The following RABEP1 variants were observed in gnomAD, a reference collection of about 807,000 sequenced individuals.
RABEP1 encodes the protein rab GTPase-binding effector protein 1.
Under a neutral mutation model 123.4 loss-of-function variants are expected in RABEP1, and 51 were observed. That is an observed-to-expected ratio of 0.41 (90% CI 0.33 to 0.52). RABEP1 has a LOEUF of 0.52. RABEP1 is among the 20% of genes least tolerant of loss of function. The pLI, the probability that RABEP1 is intolerant of heterozygous loss-of-function variation, is 0.16. For synonymous variants in RABEP1, 347 were observed against 355.2 expected, an observed-to-expected ratio of 0.98 and a Z score of 0.26; for missense variants, 888 against 996.3, an observed-to-expected ratio of 0.89 and a Z score of 1.46.
In RABEP1 at chr17:5,282,457, TC is replaced by T; in HGVS notation, c.-26del. On this transcript the variant is annotated 5_prime_UTR_variant, in exon 1 of 18. Transcript: ENST00000537505. The stretch of plus-strand genomic sequence containing the variant: ...GCCCAGGACGCCGCTTCCCCGCCCA[TC>T]CCCGCTCCCCGAGGCCGGCCGCCTG... The T allele has an allele frequency of 7.4e-7, 1 of 1,343,938 alleles. No individual in the cohort carries two copies. Among genetic ancestry groups the T allele is most frequent in the Non-Finnish European group, 9.6e-7 (1 of 1,038,820 alleles). 83.3% of individuals were successfully genotyped at this position (1,343,938 alleles called of 1,614,324 possible).
intron 9 of RABEP1, chr17:5,361,883 T>C: frequency 1.8e-6 from 1 of 542,850 alleles, no homozygotes. Flanking sequence ...AGCTAGCTAG[T>C]TAATCACAGT....
chr17:5,361,566 A>G lies in RABEP1; in HGVS notation c.1454A>G (p.Glu485Gly). The change falls in exon 9 of 18, where the codon GAG becomes GGG. Residue 485 changes from glutamate (E) to glycine (G), a missense_variant. Coordinates refer to ENST00000537505, the MANE Select transcript of RABEP1 (RefSeq NM_004703.6). ...AIKAMTPEQE[E>G]TASLLSSVTQ... ...AAGGCGATGACACCAGAACAAGAAG[A>G]GACAGCGTCCCTCCTCTCCAGCGTT... 1 of 1,614,206 alleles carries G rather than the reference A, an allele frequency of 6.2e-7. No homozygotes were observed. Among genetic ancestry groups the G allele is most frequent in the Non-Finnish European group, 8.5e-7 (1 of 1,180,040 alleles).
In RABEP1 at chr17:5,363,092, C is replaced by T. The variant is rs1179163269; in HGVS notation, c.1668+76C>T. The stretch of plus-strand genomic sequence containing the variant: ...GTGCAGAATTAATTGCCCCCCTCTC[C>T]GGCCCCAGCCCCATTTACATTATGA... On this transcript the variant is annotated intron_variant, in intron 10 of 17. Coordinates refer to ENST00000537505, the MANE Select transcript of RABEP1 (RefSeq NM_004703.6). 91 of 1,046,400 alleles carry T rather than the reference C, an allele frequency of 8.7e-5. No individual in the cohort carries two copies. The East Asian group carries it at 9.6e-4, about 11-fold the overall frequency. 64.8% of individuals were successfully genotyped at this position (1,046,400 alleles called of 1,614,324 possible). A position where few individuals can be genotyped will look rare whatever the true frequency, so the allele number is the denominator to read the frequency against.
intron 2 of RABEP1, among the ~76,000 whole-genome samples, chr17:5,313,738 G>A (rs923555373): frequency 1.3e-5 from 2 of 152,062 alleles, no homozygotes; most frequent in African/African-American, 4.8e-5. Flanking sequence ...AAACTCAGTT[G>A]GCCACAGCGA....
chr17:5,322,804 G>T (rs190213915), intron 2 of RABEP1, among the ~76,000 whole-genome samples: 1 of 152,360 alleles, frequency 6.6e-6, no homozygotes, highest in East Asian at 1.9e-4. Flanking sequence ...GCCAGGTGCA[G>T]TGGCTCATGC....
At chr17:5,312,706 T>C (rs1290635626) in intron 2 of RABEP1, among the ~76,000 whole-genome samples, 3 of 152,184 alleles carry the variant, frequency 2.0e-5, no homozygotes, top group Non-Finnish European at 4.4e-5. Context: ...GAGGTTGGGA[T>C]GAATGAGATA....
chr17:5,291,733 T>C (rs1285904282), intron 1 of RABEP1, among the ~76,000 whole-genome samples: 1 of 152,004 alleles, frequency 6.6e-6, no homozygotes, highest in Admixed American at 6.6e-5. Context: ...ATGGCGAAAT[T>C]CCGTTTCTAC....
chr17:5,327,085 C>T (rs576688492), intron 2 of RABEP1, among the ~76,000 whole-genome samples: 5 of 152,130 alleles, frequency 3.3e-5, no homozygotes, highest in African/African-American at 7.2e-5. Context: ...CGGTGGCTCA[C>T]GCCTGTAATC....
chr17:5,319,154 A>G (rs1297576261), intron 2 of RABEP1, among the ~76,000 whole-genome samples: 1 of 151,576 alleles, frequency 6.6e-6, no homozygotes, highest in East Asian at 2.0e-4. Context: ...ACATGGTGAA[A>G]CCCCGTCTCT....
At chr17:5,367,430 C>T (rs894646326) in intron 11 of RABEP1, among the ~76,000 whole-genome samples, 10 of 151,714 alleles carry the variant, frequency 6.6e-5, no homozygotes, top group Admixed American at 2.0e-4. Context: ...CGCCACCACG[C>T]CCGGCTAATT....
intron 4 of RABEP1, among the ~76,000 whole-genome samples, chr17:5,335,706 G>C (rs1408992650): frequency 1.3e-5 from 2 of 151,966 alleles, no homozygotes; most frequent in Admixed American, 1.3e-4. Flanking sequence ...CACCTATTGT[G>C]TTTATTGTTT....
Position 5,286,313 on chromosome 17 carries a change from G to A in RABEP1, c.34+3793G>A, listed in dbSNP as rs142836449. Among the ~76,000 whole-genome samples, 422 of 152,282 alleles carry A rather than the reference G, an allele frequency of 2.8e-3. 2 individuals carry two copies. The highest frequency in any genetic ancestry group is 3.7e-3 in the African/African-American group (154 of 41,560). ...GTTCAAGACCAGCCTGGCCAATATG[G>A]TGAAACCCCATCTCTACTAAAAATA... On this transcript the variant is annotated intron_variant, in intron 1 of 17. Coordinates refer to ENST00000537505, the MANE Select transcript of RABEP1 (RefSeq NM_004703.6).
At chr17:5,359,725 A>G (rs751052289) in intron 8 of RABEP1, among the ~76,000 whole-genome samples, 1 of 152,214 alleles carries the variant, frequency 6.6e-6, no homozygotes, top group East Asian at 1.9e-4. Flanking sequence ...AGTAACAACA[A>G]CTGTATTCCA....
intron 8 of RABEP1, among the ~76,000 whole-genome samples, chr17:5,358,602 C>T (rs889764528): frequency 1.3e-5 from 2 of 150,866 alleles, no homozygotes; most frequent in African/African-American, 2.4e-5. Context: ...GCTCAGGAGA[C>T]GGAGGCTGCA....
intron 11 of RABEP1, among the ~76,000 whole-genome samples, chr17:5,367,520 C>A (rs143999276): frequency 9.4e-4 from 143 of 151,874 alleles, no homozygotes; most frequent in East Asian, 2.5e-3. Flanking sequence ...CCATCCGCCT[C>A]GGCCTCCCAA....
intron 1 of RABEP1, among the ~76,000 whole-genome samples, chr17:5,286,806 A>C (rs781231758): frequency 2.6e-4 from 39 of 152,206 alleles, no homozygotes; most frequent in Non-Finnish European, 4.7e-4. Context: ...AACGTAAGCA[A>C]ATGATACGGG....
intron 5 of RABEP1, among the ~76,000 whole-genome samples, chr17:5,339,092 G>T (rs1167746795): frequency 1.3e-5 from 2 of 151,880 alleles, no homozygotes; most frequent in Non-Finnish European, 2.9e-5. Context: ...GGGAGTTTGA[G>T]ACTACAGTGA....
At chr17:5,365,275 T>C (rs1470499881) in intron 11 of RABEP1, 37 bp downstream of exon 11, 3 of 1,311,218 alleles carry the variant, frequency 2.3e-6, no homozygotes, top group East Asian at 2.5e-5. Context: ...CCATGAGGGA[T>C]GACTGGGTTA....
At chr17:5,335,456 A>G (rs1906982710) in intron 4 of RABEP1, 112 bp downstream of exon 4, 2 of 957,842 alleles carry the variant, frequency 2.1e-6, no homozygotes, top group Admixed American at 5.1e-5. Context: ...CTGTGAGAAT[A>G]ATTATTTGGA....
Sources: gnomAD v4.1 joint callset for allele counts (sites outside exome capture counted in the v4.1 genomes callset) on GRCh38, gnomAD v4.1.1 for gene constraint, MANE v1.5 for transcripts, NCBI Gene and HGNC (gene_info 2026-07-23, HGNC 2026-07-21) for gene names.